DISP3: variants seen among roughly 807,000 people sequenced by gnomAD.
The protein encoded by DISP3 is protein dispatched homolog 3.
Under a neutral mutation model 135.3 loss-of-function variants are expected in DISP3, and 101 were observed. The observed-to-expected ratio is 0.75, with a 90% confidence interval of 0.64 to 0.88. The LOEUF (loss-of-function observed/expected upper bound fraction) is 0.88. Among genes scored for constraint, DISP3 ranks in the 40% least tolerant of loss-of-function variants. The pLI is 0.00. For synonymous variants in DISP3, 856 were observed against 817.0 expected, an observed-to-expected ratio of 1.05 and a Z score of -0.81; for missense variants, 1,713 against 1,878.6, an observed-to-expected ratio of 0.91 and a Z score of 1.63.
chr1:11,484,754 C>A (rs996616446), intron 1 of DISP3, among the ~76,000 whole-genome samples: 2 of 152,082 alleles, frequency 1.3e-5, no homozygotes, highest in African/African-American at 4.8e-5. Flanking sequence ...GACCTGGGAA[C>A]AAGGGGGTGG....
At chr1:11,534,856 C>T (rs1444507849) in intron 18 of DISP3, 155 bp from the exon 19 acceptor site, 3 of 822,418 alleles carry the variant, frequency 3.6e-6, no homozygotes, top group Non-Finnish European at 6.1e-6. Context: ...GTGTTCTCTT[C>T]AACTCCAAAC....
In DISP3 at chr1:11,501,421, C is replaced by G. The variant is rs962379374; in HGVS notation, c.429C>G (p.Phe143Leu). Residue 143 changes from phenylalanine to leucine, a missense_variant, in exon 2 of 21, where the codon TTC (phenylalanine) becomes TTG (leucine). Around this residue, in one of 2 missense-constraint regions of DISP3, gnomAD observed 571 missense variants for 494.1 expected, o/e 1.16. Transcript: ENST00000294484. This position sits in a 1 kb window ranked among gnomAD's most constrained non-coding sequence, Gnocchi z 4.9. ...GGAACCGGCGCGATTTGGCCGACTT[C>G]ACCTCCGAGACGCTTCAGCGCCTTA... Reference protein sequence around the residue: ...WGRNRRDLADFTSETLQRLIS... With the variant: ...WGRNRRDLADLTSETLQRLIS... 12 of 1,595,036 alleles carry G rather than the reference C, an allele frequency of 7.5e-6. No homozygotes were observed. Among genetic ancestry groups the G allele is most frequent in the Non-Finnish European group, 1.0e-5 (12 of 1,171,214 alleles).
In DISP3 at chr1:11,502,995, C is replaced by T. The variant is rs1570093352; in HGVS notation, c.1316+98C>T. On this transcript the variant is annotated intron_variant, in intron 3 of 20. Transcript: ENST00000294484. ...CATATCCCTTTCCCTATAATCTTTT[C>T]CTTTGGAAGTCTTTCTTTCCAAATT... The T allele has an allele frequency of 5.4e-6, 6 of 1,114,352 alleles. No homozygotes were observed. The East Asian group carries it at 1.5e-4, about 29-fold the overall frequency. The allele number at this position is 1,114,352 out of a possible 1,614,324, so 69.0% of individuals were successfully genotyped here.
intron 3 of DISP3, 37 bp from the exon 4 acceptor site, chr1:11,514,353 C>G: frequency 6.3e-7 from 1 of 1,577,346 alleles, no homozygotes; most frequent in Non-Finnish European, 8.7e-7. Flanking sequence ...TAATCCTCTT[C>G]CTGTCATTCT....
chr1:11,512,989 C>G (rs190818978), intron 3 of DISP3, among the ~76,000 whole-genome samples: 1 of 152,068 alleles, frequency 6.6e-6, no homozygotes, highest in Admixed American at 6.5e-5. Context: ...AAGTCTAGCA[C>G]GGGAAAGACC....
At position 11,519,787 on chromosome 1, in the gene DISP3, A is replaced by T; in HGVS notation, c.2107A>T (p.Thr703Ser). The T allele has an allele frequency of 6.2e-7, 1 of 1,612,958 alleles. No individual in the cohort carries two copies. Among genetic ancestry groups the T allele is most frequent in the East Asian group, 2.2e-5 (1 of 44,874 alleles). The change falls in exon 9 of 21, where the codon ACG (threonine) becomes TCG (serine). Residue 703 changes from threonine (T) to serine (S), a missense_variant. This residue lies in a region of DISP3 where 1,142 missense variants were observed against 1,384.6 expected (regional missense o/e 0.82). Coordinates refer to ENST00000294484, the MANE Select transcript of DISP3 (RefSeq NM_020780.2). This position sits in a 1 kb window ranked among gnomAD's most constrained non-coding sequence, Gnocchi z 4.3. ...CGAGGGTCTGCAGCCAGCCTCCAAC[A>T]CGGGCAGCCGCGGCCATCTCATCGT... Reference protein sequence around the residue: ...SPEGLQPASNTGSRGHLIVQL... With the variant: ...SPEGLQPASNSGSRGHLIVQL...
chr1:11,506,173 AT>A (rs1641701248), intron 3 of DISP3, among the ~76,000 whole-genome samples: 1 of 151,636 alleles, frequency 6.6e-6, no homozygotes, highest in Admixed American at 6.6e-5. Context: ...TGCTTTTAAG[AT>A]TTCTTTGTCT....
In DISP3 at chr1:11,536,695, G is replaced by A. The variant is rs761951832; in HGVS notation, c.*9G>A. ...CAGGGGCCTCCCTATAGCCCGGGAC[G>A]GGCTCTGGACACTTGCACCTTTGGT... On this transcript the variant is annotated 3_prime_UTR_variant, in exon 21 of 21. Coordinates refer to ENST00000294484, the MANE Select transcript of DISP3 (RefSeq NM_020780.2). This position sits in a 1 kb window ranked among gnomAD's most constrained non-coding sequence, Gnocchi z 4.3. 6 of 1,540,760 alleles carry A rather than the reference G, an allele frequency of 3.9e-6. No homozygotes were observed. Among genetic ancestry groups the A allele is most frequent in the African/African-American group, 1.4e-5 (1 of 72,388 alleles).
rs911095389 is a variant in DISP3, at chr1:11,520,643, C to T, written c.2201-44C>T. 30 of 1,593,526 alleles carry T rather than the reference C, an allele frequency of 1.9e-5. No homozygotes were observed. The highest frequency in any genetic ancestry group is 2.6e-5 in the Non-Finnish European group (30 of 1,167,360). ...CTTTGGAGCCCCACTGGGAACAGAC[C>T]AGCTGGGCCCAGCCCCGCCTGGTGT... On this transcript the variant is annotated intron_variant, in intron 9 of 20. Transcript: ENST00000294484. This position sits in a 1 kb window ranked among gnomAD's most constrained non-coding sequence, Gnocchi z 4.8.
At chr1:11,484,951 G>T (rs992531240) in intron 1 of DISP3, among the ~76,000 whole-genome samples, 1 of 152,174 alleles carries the variant, frequency 6.6e-6, no homozygotes, top group Non-Finnish European at 1.5e-5. Flanking sequence ...CCTACTGTGT[G>T]CCAGGTGTGG....
Position 11,534,287 on chromosome 1 carries a change from C to T in DISP3, c.3376-94C>T. On this transcript the variant is annotated intron_variant, in intron 17 of 20. Transcript: ENST00000294484. ...CACCCTCCCCAACACACGCACCACT[C>T]CATTGGTGGCCGCAGAACAGACCAG... 4.8e-6 allele frequency: 7 copies of T among 1,460,066 alleles called. No individual in the cohort carries two copies. The South Asian group carries it at 7.0e-5, about 15-fold the overall frequency. 90.4% of individuals were successfully genotyped at this position (1,460,066 alleles called of 1,614,324 possible).
rs1259053495 is a variant in DISP3, at chr1:11,501,339, C to T, written c.347C>T (p.Ser116Leu). 1.2e-6 allele frequency: 2 copies of T among 1,613,632 alleles called. No individual in the cohort carries two copies. Among genetic ancestry groups the T allele is most frequent in the African/African-American group, 2.7e-5 (2 of 74,940 alleles). ...TTTGAGATCCGCAACCACGAGGCCT[C>T]ACAGCGTTTCGACGCTCTCACTCTG... ...NAFEIRNHEA[S>L]QRFDALTLAL... is the part of the protein sequence containing the mutation. Residue 116 changes from serine (S) to leucine (L), a missense_variant, in exon 2 of 21, where the codon TCA (serine) becomes TTA (leucine). By Grantham distance (145) the Ser-to-Leu change is moderately radical. This residue lies in a region of DISP3 where 571 missense variants were observed against 494.1 expected (regional missense o/e 1.16). Coordinates refer to ENST00000294484, the MANE Select transcript of DISP3 (RefSeq NM_020780.2). The surrounding 1 kb of genome is among the most constrained non-coding windows in gnomAD (Gnocchi z 4.9).
Position 11,516,177 on chromosome 1 carries a change from C to T in DISP3, c.1749+16C>T, listed in dbSNP as rs1323121821. Reference sequence around the variant, plus strand: ...CTTCTCCCAGGTGCGGACCTGTCCTCCATTCCTGTCCTGGCCTCCCACACG... The same window carrying T: ...CTTCTCCCAGGTGCGGACCTGTCCTTCATTCCTGTCCTGGCCTCCCACACG... On this transcript the variant is annotated intron_variant, in intron 6 of 20. Coordinates refer to ENST00000294484, the MANE Select transcript of DISP3 (RefSeq NM_020780.2). The surrounding 1 kb of genome is among the most constrained non-coding windows in gnomAD (Gnocchi z 5.1). The T allele has an allele frequency of 1.9e-6, 3 of 1,610,690 alleles. No individual in the cohort carries two copies. The highest frequency in any genetic ancestry group is 2.7e-5 in the African/African-American group (2 of 74,892).
At position 11,520,555 on chromosome 1, in the gene DISP3, G is replaced by A. The variant is rs1006476697; in HGVS notation, c.2201-132G>A. ...AGCTTTGCCCACGGGCTGGCATGCA[G>A]GGCCTTCCCCCGCACCCTTAGGACA... On this transcript the variant is annotated intron_variant, in intron 9 of 20. Transcript: ENST00000294484. The surrounding 1 kb of genome is among the most constrained non-coding windows in gnomAD (Gnocchi z 4.8). The A allele has an allele frequency of 3.1e-6, 3 of 979,194 alleles. No individual in the cohort carries two copies. The highest frequency in any genetic ancestry group is 4.5e-6 in the Non-Finnish European group (3 of 673,810). 60.7% of individuals were successfully genotyped at this position (979,194 alleles called of 1,614,324 possible).
rs747273975 is a variant in DISP3, at chr1:11,525,126, A to G, written c.2477-50A>G. On this transcript the variant is annotated intron_variant, in intron 11 of 20. Coordinates refer to ENST00000294484, the MANE Select transcript of DISP3 (RefSeq NM_020780.2). ...GGTGGGCTGCTCCAGGGTCAGGAGAAGCCAGTCGAGGTCAAGTCCACCCCT... is the reference window on the plus strand; with the variant it reads ...GGTGGGCTGCTCCAGGGTCAGGAGAGGCCAGTCGAGGTCAAGTCCACCCCT... The G allele has an allele frequency of 6.9e-6, 11 of 1,603,466 alleles. No individual in the cohort carries two copies. In the South Asian group the frequency reaches 9.9e-5, roughly 14 times the overall value.
At chr1:11,526,076 C>T (rs778682123) in intron 12 of DISP3, among the ~76,000 whole-genome samples, 13 of 152,192 alleles carry the variant, frequency 8.5e-5, no homozygotes, top group Non-Finnish European at 7.3e-5. Flanking sequence ...GACAGGGACA[C>T]GCGCCAATTC....
In DISP3 at chr1:11,520,821, G is replaced by A. The variant is rs1227779565; in HGVS notation, c.2335G>A (p.Glu779Lys). Residue 779 changes from glutamate to lysine, a missense_variant, in exon 10 of 21, where the codon GAG becomes AAG. Around this residue, in one of 2 missense-constraint regions of DISP3, gnomAD observed 1,142 missense variants for 1,384.6 expected, o/e 0.82. Coordinates refer to ENST00000294484, the MANE Select transcript of DISP3 (RefSeq NM_020780.2). This position sits in a 1 kb window ranked among gnomAD's most constrained non-coding sequence, Gnocchi z 4.8. ...LLDLKYNLSAEGISCITCSGL... is the reference protein window; with the variant it reads ...LLDLKYNLSAKGISCITCSGL... The stretch of plus-strand genomic sequence containing the variant: ...GGACCTCAAGTACAACCTGAGCGCC[G>A]AGGGCATCTCCTGCATCACCTGTTC... 2.4e-5 allele frequency: 38 copies of A among 1,610,526 alleles called. No homozygotes were observed. Among genetic ancestry groups the A allele is most frequent in the Middle Eastern group, 1.6e-4 (1 of 6,080 alleles).
intron 1 of DISP3, among the ~76,000 whole-genome samples, chr1:11,488,691 A>G (rs965823396): frequency 3.3e-5 from 5 of 151,880 alleles, no homozygotes; most frequent in South Asian, 2.1e-4. Flanking sequence ...GCGTGCATGC[A>G]TGCACAGACA....
intron 3 of DISP3, among the ~76,000 whole-genome samples, chr1:11,511,592 C>A (rs1641857202): frequency 6.6e-6 from 1 of 152,174 alleles, no homozygotes; most frequent in Non-Finnish European, 1.5e-5. Context: ...CAGGGTACAG[C>A]CTCCTTCCTA....
Sources: gnomAD v4.1 joint callset for allele counts (sites outside exome capture counted in the v4.1 genomes callset) on GRCh38, gnomAD v4.1.1 for gene constraint, gnomAD v4.1.1 regional missense constraint, Gnocchi (gnomAD v3.1) non-coding constraint, MANE v1.5 for transcripts, NCBI Gene and HGNC (gene_info 2026-07-23, HGNC 2026-07-21) for gene names.